Variants in ANKRD44 observed in about 807,000 individuals in gnomAD.
The protein encoded by ANKRD44 is serine/threonine-protein phosphatase 6 regulatory ankyrin repeat subunit B.
Under a neutral mutation model 116.0 loss-of-function variants are expected in ANKRD44, and 35 were observed. That is an observed-to-expected ratio of 0.30 (90% CI 0.23 to 0.40). The LOEUF (loss-of-function observed/expected upper bound fraction) is 0.40, where lower values mean the gene tolerates loss of function less well. Ranked by LOEUF, ANKRD44 falls within the 10% of genes least tolerant of loss-of-function variation. The probability of loss-of-function intolerance (pLI) is 1.00; values close to 1 mark genes in which losing one functional copy is unlikely to be tolerated. For missense variants in ANKRD44, 1,014 were observed against 1,242.6 expected (o/e 0.82, Z 2.77); for synonymous variants, 435 against 461.8 (o/e 0.94, Z 0.74).
At chr2:196,985,367 C>T (rs1574218477), downstream of ANKRD44, among the ~76,000 whole-genome samples, 1 of 152,228 alleles carries the variant, frequency 6.6e-6, no homozygotes, top group South Asian at 2.1e-4. Context: ...TGTTACACAG[C>T]AATAGATAAC....
chr2:197,178,754 T>A (rs183535861), intron 2 of ANKRD44, among the ~76,000 whole-genome samples: 1 of 152,336 alleles, frequency 6.6e-6, no homozygotes, highest in East Asian at 1.9e-4. Context: ...TATTTTCCCC[T>A]TTTTGTATTC....
intron 10 of ANKRD44, chr2:197,099,496 T>TA: frequency 6.7e-6 from 7 of 1,047,450 alleles, no homozygotes; most frequent in Non-Finnish European, 8.1e-6. Context: ...TCAGTTAGGT[T>TA]TTATTTTTCC....
At chr2:197,163,968 TG>T (rs1409244152) in intron 2 of ANKRD44, among the ~76,000 whole-genome samples, 1 of 152,030 alleles carries the variant, frequency 6.6e-6, no homozygotes, top group Non-Finnish European at 1.5e-5. Flanking sequence ...GAGATTACAG[TG>T]GGGGAGTGGA....
chr2:196,989,863 T>A, intron 27 of ANKRD44: 1 of 1,222,860 alleles, frequency 8.2e-7, no homozygotes, highest in Non-Finnish European at 1.0e-6. Context: ...TGATGTTTTT[T>A]AAAAGTTAGT....
Position 197,005,781 on chromosome 2 carries a change from C to T in ANKRD44, c.2260G>A (p.Glu754Lys), listed in dbSNP as rs779863444. The change falls in exon 21 of 28, where the codon GAG becomes AAG. Residue 754 changes from glutamate to lysine, a missense_variant. Physicochemically the swap from Glu to Lys is moderately conservative, Grantham distance 56 (BLOSUM62 1). Transcript: ENST00000282272. ...AARGHATWLS[E>K]LLQMALSEED... ...TCAGAAAGAGCCATTTGGAGCAGCTCGCTCAGCCACGTGGCGTGGCCACGA... is the reference window on the plus strand; with the variant it reads ...TCAGAAAGAGCCATTTGGAGCAGCTTGCTCAGCCACGTGGCGTGGCCACGA... 3.7e-6 allele frequency: 6 copies of T among 1,614,270 alleles called. No individual in the cohort carries two copies. The highest frequency in any genetic ancestry group is 1.1e-5 in the South Asian group (1 of 91,086).
intron 16 of ANKRD44, among the ~76,000 whole-genome samples, chr2:197,072,867 G>A (rs911254077): frequency 6.6e-6 from 1 of 152,054 alleles, no homozygotes; most frequent in Non-Finnish European, 1.5e-5. Flanking sequence ...TCCTTTATGA[G>A]GTTACTTCTT....
At chr2:197,085,520 A>C (rs1483729550) in intron 13 of ANKRD44, among the ~76,000 whole-genome samples, 2 of 152,192 alleles carry the variant, frequency 1.3e-5, no homozygotes, top group Admixed American at 1.3e-4. Flanking sequence ...CTGATGAAAC[A>C]GGTCACAGTA....
At chr2:197,147,716 G>A (rs1272950668) in intron 2 of ANKRD44, among the ~76,000 whole-genome samples, 1 of 151,822 alleles carries the variant, frequency 6.6e-6, no homozygotes, top group Non-Finnish European at 1.5e-5. Context: ...CATTCAAGTG[G>A]GAAGGCTGAC....
At position 196,988,534 on chromosome 2, in the gene ANKRD44, T is replaced by C. The variant is rs1056035819; in HGVS notation, c.*1057A>G. On this transcript the variant is annotated 3_prime_UTR_variant, in exon 28 of 28. Transcript: ENST00000282272. The stretch of plus-strand genomic sequence containing the variant: ...TTTGTGAAGAACCCAACAGGAGTTT[T>C]AATTAAATCCAGGATATTAAGAGTA... 5 of 985,182 alleles carry C rather than the reference T, an allele frequency of 5.1e-6. No homozygotes were observed. Among genetic ancestry groups the C allele is most frequent in the Non-Finnish European group, 6.0e-6 (5 of 829,810 alleles). 61.0% of individuals were successfully genotyped at this position (985,182 alleles called of 1,614,324 possible). A position where few individuals can be genotyped will look rare whatever the true frequency, so the allele number is the denominator to read the frequency against.
At chr2:197,216,706 G>A (rs2081452111) in intron 1 of ANKRD44, among the ~76,000 whole-genome samples, 1 of 152,010 alleles carries the variant, frequency 6.6e-6, no homozygotes, top group South Asian at 2.1e-4. Flanking sequence ...TTTCCATTTT[G>A]CACTAACATC....
chr2:197,223,633 G>T (rs1017061443), intron 1 of ANKRD44, among the ~76,000 whole-genome samples: 1 of 152,138 alleles, frequency 6.6e-6, no homozygotes, highest in African/African-American at 2.4e-5. Flanking sequence ...TTACACAGAT[G>T]CAAAGTTTTT....
chr2:197,203,529 T>C lies in ANKRD44; in HGVS notation c.28-16423A>G, dbSNP rs1466390981. Among the ~76,000 whole-genome samples, 1 of 152,254 alleles carries C rather than the reference T, an allele frequency of 6.6e-6. No homozygotes were observed. Among genetic ancestry groups the C allele is most frequent in the Non-Finnish European group, 1.5e-5 (1 of 68,040 alleles). On this transcript the variant is annotated intron_variant, in intron 1 of 27. Coordinates refer to ENST00000282272, the MANE Select transcript of ANKRD44 (RefSeq NM_001195144.2). This position sits in a 1 kb window ranked among gnomAD's most constrained non-coding sequence, Gnocchi z 4.1. ...AGTGCAGCTGCTGTGGAATTTTATTTAGCTATTTAGCTTGGTAGTTCCTCA... is the reference window on the plus strand; with the variant it reads ...AGTGCAGCTGCTGTGGAATTTTATTCAGCTATTTAGCTTGGTAGTTCCTCA...
At chr2:197,054,706 G>A (rs535736787) in intron 16 of ANKRD44, among the ~76,000 whole-genome samples, 2 of 152,240 alleles carry the variant, frequency 1.3e-5, no homozygotes, top group African/African-American at 2.4e-5. Flanking sequence ...TTTGATTTAT[G>A]ACACTTTTCT....
intron 16 of ANKRD44, among the ~76,000 whole-genome samples, chr2:197,057,519 T>C (rs376132551): frequency 2.9e-4 from 44 of 152,294 alleles, no homozygotes; most frequent in African/African-American, 1.0e-3. Flanking sequence ...TCCAGAACGT[T>C]ATAATCTTCT....
chr2:197,153,395 G>A (rs2079714016), intron 2 of ANKRD44, among the ~76,000 whole-genome samples: 1 of 152,020 alleles, frequency 6.6e-6, no homozygotes, highest in Non-Finnish European at 1.5e-5. Context: ...ACCTTAATGT[G>A]ATATTGAACA....
chr2:197,105,524 CA>C (rs1054278296), intron 9 of ANKRD44, among the ~76,000 whole-genome samples: 1 of 152,040 alleles, frequency 6.6e-6, no homozygotes, highest in Admixed American at 6.6e-5. Flanking sequence ...GAAGTGTCAC[CA>C]AACTGCCAAT....
intron 18 of ANKRD44, among the ~76,000 whole-genome samples, chr2:197,010,068 G>A (rs751771273): frequency 1.6e-4 from 25 of 152,068 alleles, no homozygotes; most frequent in Non-Finnish European, 3.1e-4. Flanking sequence ...GGAGGAAGGC[G>A]AGGAAGGAAG....
At chr2:197,274,629 C>T (rs1372172666) in intron 1 of ANKRD44, among the ~76,000 whole-genome samples, 4 of 152,184 alleles carry the variant, frequency 2.6e-5, no homozygotes, top group Non-Finnish European at 4.4e-5. Flanking sequence ...CCCAGTCCTG[C>T]GTCCTTCCCT....
At chr2:197,000,284 C>A in intron 23 of ANKRD44, 135 bp downstream of exon 23, 2 of 674,920 alleles carry the variant, frequency 3.0e-6, no homozygotes, top group Non-Finnish European at 5.0e-6. Flanking sequence ...TTTAATTATA[C>A]ACCCTCTGTA....
Sources: gnomAD v4.1 joint callset for allele counts (sites outside exome capture counted in the v4.1 genomes callset) on GRCh38, gnomAD v4.1.1 for gene constraint, Gnocchi (gnomAD v3.1) non-coding constraint, MANE v1.5 for transcripts, NCBI Gene and HGNC (gene_info 2026-07-23, HGNC 2026-07-21) for gene names.